AGBL4: variants seen among roughly 807,000 people sequenced by gnomAD.
The protein encoded by AGBL4 is AGBL carboxypeptidase 4.
A neutral mutation model predicts 66.4 loss-of-function variants in AGBL4; 58 were observed. The observed-to-expected ratio is 0.87, with a 90% confidence interval of 0.71 to 1.09. The LOEUF is 1.09. AGBL4 is among the 50% of genes least tolerant of loss of function. The pLI, the probability that AGBL4 is intolerant of heterozygous loss-of-function variation, is 0.00. For synonymous variants in AGBL4, 234 were observed against 222.9 expected (o/e 1.05, Z -0.44); for missense variants, 579 against 631.0 (o/e 0.92, Z 0.88).
intron 5 of AGBL4, among the ~76,000 whole-genome samples, chr1:48,996,888 T>C (rs1661055614): frequency 6.6e-6 from 1 of 151,796 alleles, no homozygotes; most frequent in African/African-American, 2.4e-5. Context: ...TATAAAATAT[T>C]ATTGCTAATT....
chr1:48,992,576 T>G (rs1481213234), intron 5 of AGBL4, among the ~76,000 whole-genome samples: 1 of 152,034 alleles, frequency 6.6e-6, no homozygotes, highest in African/African-American at 2.4e-5. Flanking sequence ...GGGCAGCAAG[T>G]TCCCCCTCAA....
At chr1:48,578,336 A>G (rs1259663723) in intron 11 of AGBL4, among the ~76,000 whole-genome samples, 1 of 152,164 alleles carries the variant, frequency 6.6e-6, no homozygotes, top group Non-Finnish European at 1.5e-5. Context: ...CAGATAGTCA[A>G]TCAGAAGGAT....
chr1:49,302,597 T>TTTA (rs1318644156), intron 3 of AGBL4, among the ~76,000 whole-genome samples: 2 of 128,650 alleles, frequency 1.6e-5, no homozygotes, highest in Non-Finnish European at 3.5e-5. Flanking sequence ...TATTTTATAT[T>TTTA]TTATTTTATT....
intron 4 of AGBL4, among the ~76,000 whole-genome samples, chr1:49,151,576 A>G (rs1386501035): frequency 6.6e-6 from 1 of 151,802 alleles, no homozygotes; most frequent in Non-Finnish European, 1.5e-5. Context: ...CAGTTACAAA[A>G]AAAAAAAAAA....
chr1:48,682,415 T>TC (rs1436509099), intron 6 of AGBL4, among the ~76,000 whole-genome samples: 2 of 151,912 alleles, frequency 1.3e-5, no homozygotes, highest in South Asian at 2.1e-4. Context: ...CATCTCTTTT[T>TC]TTTTTTTTTT....
intron 6 of AGBL4, among the ~76,000 whole-genome samples, chr1:48,778,476 T>C (rs1645196098): frequency 6.6e-6 from 1 of 152,202 alleles, no homozygotes; most frequent in Non-Finnish European, 1.5e-5. Flanking sequence ...ATGAGAAAAG[T>C]ATTGTCATAG....
intron 3 of AGBL4, among the ~76,000 whole-genome samples, chr1:49,539,023 C>T (rs1651812145): frequency 6.6e-6 from 1 of 151,926 alleles, no homozygotes; most frequent in African/African-American, 2.4e-5. Context: ...CAAGAAATAA[C>T]ATAAAAATAG....
intron 9 of AGBL4, among the ~76,000 whole-genome samples, chr1:48,622,320 T>A (rs1378063917): frequency 6.6e-6 from 1 of 152,102 alleles, no homozygotes; most frequent in Admixed American, 6.5e-5. Context: ...CTAAGTCCAG[T>A]TCAGATGACC....
chr1:49,280,179 T>G (rs1186374053), intron 3 of AGBL4, among the ~76,000 whole-genome samples: 2 of 151,928 alleles, frequency 1.3e-5, no homozygotes, highest in Non-Finnish European at 2.9e-5. Flanking sequence ...CACACCCCTA[T>G]GATTGCACCC....
intron 4 of AGBL4, among the ~76,000 whole-genome samples, chr1:49,151,385 C>T (rs1428792294): frequency 6.6e-6 from 1 of 150,936 alleles, no homozygotes; most frequent in Non-Finnish European, 1.5e-5. Context: ...TTAAGTTTTC[C>T]AATGATAGTT....
At chr1:49,230,599 C>T (rs1650237473) in intron 4 of AGBL4, among the ~76,000 whole-genome samples, 1 of 152,154 alleles carries the variant, frequency 6.6e-6, no homozygotes, top group Non-Finnish European at 1.5e-5. Context: ...CTTTTTAAAT[C>T]TATCTTGGGG....
intron 5 of AGBL4, among the ~76,000 whole-genome samples, chr1:49,024,590 C>A (rs140483057): frequency 6.6e-6 from 1 of 152,184 alleles, no homozygotes; most frequent in East Asian, 1.9e-4. Flanking sequence ...AATAATAGTA[C>A]CAGCTTCATA....
In AGBL4 at chr1:49,159,665, T is replaced by C. The variant is rs1368315523; in HGVS notation, c.377+86105A>G. Among the ~76,000 whole-genome samples the C allele has an allele frequency of 2.6e-5, 4 of 152,216 alleles. No homozygotes were observed. The East Asian group carries it at 7.7e-4, about 29-fold the overall frequency. On this transcript the variant is annotated intron_variant, in intron 4 of 13. Transcript: ENST00000371839. ...ATATCCTGAAGTGCATTTTCCAACTTGATTCCATTCTCCCCCCGTCACTTT... is the reference window on the plus strand; with the variant it reads ...ATATCCTGAAGTGCATTTTCCAACTCGATTCCATTCTCCCCCCGTCACTTT...
At chr1:49,661,042 A>C (rs2124490626) in intron 3 of AGBL4, among the ~76,000 whole-genome samples, 1 of 152,260 alleles carries the variant, frequency 6.6e-6, no homozygotes, top group Non-Finnish European at 1.5e-5. Context: ...AGTGCAGCAA[A>C]TCACCATGGC....
chr1:49,974,430 T>C (rs1412186961), intron 1 of AGBL4, among the ~76,000 whole-genome samples: 1 of 152,126 alleles, frequency 6.6e-6, no homozygotes, highest in Non-Finnish European at 1.5e-5. Flanking sequence ...AGGCCAAATA[T>C]AAAGAGAACT....
chr1:48,646,276 CAG>C (rs1238425009), intron 8 of AGBL4, among the ~76,000 whole-genome samples: 1 of 152,084 alleles, frequency 6.6e-6, no homozygotes, highest in Non-Finnish European at 1.5e-5. Context: ...GAAGGAGGCT[CAG>C]AGTGATGACG....
At chr1:49,639,377 A>G (rs764064418) in intron 3 of AGBL4, among the ~76,000 whole-genome samples, 3 of 152,232 alleles carry the variant, frequency 2.0e-5, no homozygotes, top group Non-Finnish European at 4.4e-5. Flanking sequence ...TACATATTAA[A>G]TCCTCATAAC....
chr1:48,805,799 C>A (rs75925878), intron 6 of AGBL4, among the ~76,000 whole-genome samples: 4,240 of 152,224 alleles, frequency 0.028, 172 homozygotes, highest in African/African-American at 0.096. Context: ...CCTCTCTCAG[C>A]CTGTTTCCTC....
intron 5 of AGBL4, among the ~76,000 whole-genome samples, chr1:48,879,700 A>G (rs1201939972): frequency 1.3e-5 from 2 of 152,136 alleles, no homozygotes; most frequent in East Asian, 3.8e-4. Flanking sequence ...TCCTCACAAC[A>G]TATCTGTACC....
Sources: gnomAD v4.1 joint callset for allele counts (sites outside exome capture counted in the v4.1 genomes callset) on GRCh38, gnomAD v4.1.1 for gene constraint, MANE v1.5 for transcripts, NCBI Gene and HGNC (gene_info 2026-07-23, HGNC 2026-07-21) for gene names.